BLNK: variants seen among roughly 807,000 people sequenced by gnomAD.
BLNK encodes the protein B-cell linker protein.
BLNK carries 29 observed loss-of-function variants against 73.5 expected under a neutral mutation model. The observed-to-expected ratio is 0.39, with a 90% CI of 0.29 to 0.54. The LOEUF (loss-of-function observed/expected upper bound fraction) is 0.54, where lower values mean the gene tolerates loss of function less well. Among genes scored for constraint, BLNK ranks in the 20% least tolerant of loss-of-function variants. BLNK has a pLI of 0.61. For missense variants in BLNK, 460 were observed against 562.8 expected (o/e 0.82, Z 1.85); for synonymous variants, 176 against 200.8 (o/e 0.88, Z 1.04).
intron 5 of BLNK, among the ~76,000 whole-genome samples, chr10:96,226,387 T>C (rs1286384644): frequency 9.9e-5 from 15 of 152,182 alleles, no homozygotes; most frequent in African/African-American, 3.4e-4. Context: ...GAGCAGTGCC[T>C]GGTACACTGT....
At chr10:96,231,594 G>A (rs1842501137) in intron 3 of BLNK, among the ~76,000 whole-genome samples, 1 of 152,076 alleles carries the variant, frequency 6.6e-6, no homozygotes, top group Admixed American at 6.5e-5. Flanking sequence ...GGGTGTGGTG[G>A]TCCATATCTG....
chr10:96,213,408 T>G (rs1379834293), intron 8 of BLNK, among the ~76,000 whole-genome samples: 5 of 152,048 alleles, frequency 3.3e-5, no homozygotes, highest in Non-Finnish European at 7.4e-5. Flanking sequence ...ACGGGCTAAG[T>G]GTAAGGGGGA....
At chr10:96,217,335 A>G (rs1349496202) in intron 6 of BLNK, among the ~76,000 whole-genome samples, 1 of 152,210 alleles carries the variant, frequency 6.6e-6, no homozygotes, top group Non-Finnish European at 1.5e-5. Context: ...CTAGAAGTGA[A>G]ATTGTTGAGT....
In BLNK at chr10:96,216,739, CAG is replaced by C. The variant is rs782599278; in HGVS notation, c.526-7_526-6del. On this transcript the variant is annotated splice_region_variant and splice_polypyrimidine_tract_variant and intron_variant, in intron 6 of 16. Coordinates refer to ENST00000224337, the MANE Select transcript of BLNK (RefSeq NM_013314.4). Reference sequence around the variant, plus strand: ...CACGGGGACCACATAATCAGCCTAACAGAAATACAAAACTGAATGAGAAGAAT... The same window carrying C: ...CACGGGGACCACATAATCAGCCTAACAAATACAAAACTGAATGAGAAGAAT... The C allele has an allele frequency of 6.2e-7, 1 of 1,612,686 alleles. No homozygotes were observed. Among genetic ancestry groups the C allele is most frequent in the Non-Finnish European group, 8.5e-7 (1 of 1,178,854 alleles).
intron 1 of BLNK, among the ~76,000 whole-genome samples, chr10:96,267,086 T>C (rs1319782446): frequency 1.3e-5 from 2 of 152,198 alleles, no homozygotes; most frequent in Non-Finnish European, 2.9e-5. Context: ...TCTAAATATA[T>C]CAAGAAATAT....
In BLNK at chr10:96,191,323, T is replaced by A. The variant is rs1554893361; in HGVS notation, c.*650A>T. ...ATAATGGACTAATACAAACCTCATA[T>A]CAAGTTTAGGTTCTATTTGATAGAC... On this transcript the variant is annotated 3_prime_UTR_variant, in exon 17 of 17. Transcript: ENST00000224337. Among the ~76,000 whole-genome samples, 1 of 150,632 alleles carries A rather than the reference T, an allele frequency of 6.6e-6. No homozygotes were observed. Among genetic ancestry groups the A allele is most frequent in the Non-Finnish European group, 1.5e-5 (1 of 67,758 alleles).
Position 96,189,698 on chromosome 10 carries a change from AATCATCATCATCATCATCATCATC to A in BLNK, c.*2251_*2274del. The A allele has an allele frequency of 1.6e-6, 1 of 639,768 alleles. No homozygotes were observed. Among genetic ancestry groups the A allele is most frequent in the Admixed American group, 2.0e-5 (1 of 48,998 alleles). 39.6% of individuals were successfully genotyped at this position (639,768 alleles called of 1,614,324 possible). A position where few individuals can be genotyped will look rare whatever the true frequency, so the allele number is the denominator to read the frequency against. On this transcript the variant is annotated 3_prime_UTR_variant, in exon 17 of 17. Coordinates refer to ENST00000224337, the MANE Select transcript of BLNK (RefSeq NM_013314.4). ...TTTTCTTCAGTTTCCTCATCATCAAAATCATCATCATCATCATCATCATCATCATCATCATCTTCATCAGCAGCA... is the reference window on the plus strand; with the variant it reads ...TTTTCTTCAGTTTCCTCATCATCAAAATCATCATCATCTTCATCAGCAGCA...
chr10:96,222,077 C>T (rs958000388), intron 6 of BLNK, among the ~76,000 whole-genome samples: 4 of 152,060 alleles, frequency 2.6e-5, no homozygotes, highest in South Asian at 2.1e-4. Context: ...GAAAGGAATC[C>T]GACATATATT....
intron 1 of BLNK, among the ~76,000 whole-genome samples, chr10:96,265,267 ACT>A (rs1843951264): frequency 6.6e-6 from 1 of 151,676 alleles, no homozygotes; most frequent in African/African-American, 2.4e-5. Flanking sequence ...TGCAGGAATG[ACT>A]CTCTACACCC....
At chr10:96,265,216 C>T (rs1343480665) in intron 1 of BLNK, among the ~76,000 whole-genome samples, 3 of 151,430 alleles carry the variant, frequency 2.0e-5, no homozygotes, top group Non-Finnish European at 4.4e-5. Context: ...ACTTCTGGCT[C>T]CAAACAATCC....
At chr10:96,240,356 G>C (rs587732781) in intron 3 of BLNK, among the ~76,000 whole-genome samples, 1 of 152,296 alleles carries the variant, frequency 6.6e-6, no homozygotes, top group East Asian at 1.9e-4. Flanking sequence ...AAACCACTCA[G>C]ATGGCCTAAC....
chr10:96,207,126 T>A, intron 10 of BLNK, 73 bp from the exon 11 acceptor site: 1 of 1,373,712 alleles, frequency 7.3e-7, no homozygotes, highest in Non-Finnish European at 1.0e-6. Flanking sequence ...GCAATATTAT[T>A]AAAATAAATA....
chr10:96,235,696 G>A (rs1407940964), intron 3 of BLNK, among the ~76,000 whole-genome samples: 1 of 152,188 alleles, frequency 6.6e-6, no homozygotes, highest in Non-Finnish European at 1.5e-5. Flanking sequence ...TGTGCCCGAG[G>A]TGGGGCCGAA....
chr10:96,221,179 G>T (rs974598781), intron 6 of BLNK, among the ~76,000 whole-genome samples: 1 of 152,152 alleles, frequency 6.6e-6, no homozygotes, highest in African/African-American at 2.4e-5. Flanking sequence ...GACTTCATAG[G>T]GTTAGTGTGA....
intron 12 of BLNK, 150 bp downstream of exon 12, chr10:96,204,382 T>C: frequency 1.1e-6 from 1 of 948,236 alleles, no homozygotes; most frequent in Non-Finnish European, 1.7e-6. Context: ...TTAAAGTTGC[T>C]CAACACCTTT....
chr10:96,228,097 T>C, intron 4 of BLNK, among the ~76,000 whole-genome samples: 1 of 31,356 alleles, frequency 3.2e-5, no homozygotes, highest in East Asian at 1.7e-3. Flanking sequence ...TTTTTTTTCT[T>C]TTTTTTTTTT....
At chr10:96,253,595 A>G (rs1373291976) in intron 1 of BLNK, among the ~76,000 whole-genome samples, 1 of 152,252 alleles carries the variant, frequency 6.6e-6, no homozygotes, top group East Asian at 1.9e-4. Flanking sequence ...TTAGAAATTC[A>G]GATCACTGGA....
intron 2 of BLNK, among the ~76,000 whole-genome samples, chr10:96,245,480 CA>C (rs1843009939): frequency 6.6e-6 from 1 of 152,044 alleles, no homozygotes; most frequent in African/African-American, 2.4e-5. Flanking sequence ...AAGAAACAAC[CA>C]GAGAATTTTG....
chr10:96,251,151 G>C (rs3762093), intron 1 of BLNK, among the ~76,000 whole-genome samples: 6 of 151,914 alleles, frequency 3.9e-5, no homozygotes, highest in African/African-American at 9.7e-5. Context: ...TCTGTATCTC[G>C]TTCACACAAA....
Sources: gnomAD v4.1 joint callset for allele counts (sites outside exome capture counted in the v4.1 genomes callset) on GRCh38, gnomAD v4.1.1 for gene constraint, MANE v1.5 for transcripts, NCBI Gene and HGNC (gene_info 2026-07-23, HGNC 2026-07-21) for gene names.